Variants in COX7B2 observed in about 807,000 individuals in gnomAD.
COX7B2 encodes cytochrome c oxidase subunit 7B2, mitochondrial.
For missense variants in COX7B2, 109 were observed against 95.9 expected (o/e 1.14, Z -0.57); for synonymous variants, 37 against 32.1 (o/e 1.15, Z -0.51).
Position 46,796,406 on chromosome 4 carries a change from C to A in COX7B2, c.-50+48554G>T, listed in dbSNP as rs1221873622. On this transcript the variant is annotated intron_variant, in intron 2 of 2. Transcript: ENST00000355591. Reference sequence around the variant, plus strand: ...ACCACTATGAGATATCATCTCACACCGGTTAGAATGGCAATCATTAAAAAG... The same window carrying A: ...ACCACTATGAGATATCATCTCACACAGGTTAGAATGGCAATCATTAAAAAG... Among the ~76,000 whole-genome samples the A allele has an allele frequency of 2.1e-4, 30 of 145,320 alleles. 1 individual carries two copies. The highest frequency in any genetic ancestry group is 7.6e-4 in the African/African-American group (28 of 36,944).
At chr4:46,786,186 A>T (rs1009669930) in intron 2 of COX7B2, among the ~76,000 whole-genome samples, 2 of 152,224 alleles carry the variant, frequency 1.3e-5, no homozygotes, top group African/African-American at 4.8e-5. Flanking sequence ...AACCACTGGT[A>T]AAATATTGGA....
In COX7B2 at chr4:46,799,294, A is replaced by G. The variant is rs199815313; in HGVS notation, c.-50+45666T>C. Reference sequence around the variant, plus strand: ...GATGAGGTTTTCTAATGATAAAATCATATCATCTGTGAAGAGAGATAGTTT... The same window carrying G: ...GATGAGGTTTTCTAATGATAAAATCGTATCATCTGTGAAGAGAGATAGTTT... On this transcript the variant is annotated intron_variant, in intron 2 of 2. Transcript: ENST00000355591. Among the ~76,000 whole-genome samples the G allele has an allele frequency of 3.9e-5, 6 of 152,268 alleles. No homozygotes were observed. In the South Asian group the frequency reaches 8.3e-4, roughly 21 times the overall value.
intron 2 of COX7B2, among the ~76,000 whole-genome samples, chr4:46,815,175 CAAA>C (rs760743513): frequency 1.2e-4 from 9 of 75,040 alleles, no homozygotes; most frequent in Non-Finnish European, 8.1e-5. Context: ...GACTCTGTCT[CAAA>C]AAAAAAAAAA....
At chr4:46,865,796 C>T (rs1478712271) in intron 1 of COX7B2, among the ~76,000 whole-genome samples, 1 of 152,204 alleles carries the variant, frequency 6.6e-6, no homozygotes, top group Non-Finnish European at 1.5e-5. Context: ...CTGTCATCAA[C>T]ATCCCCAGGA....
At chr4:46,782,622 A>C (rs1006393525) in intron 2 of COX7B2, among the ~76,000 whole-genome samples, 35 of 152,274 alleles carry the variant, frequency 2.3e-4, no homozygotes, top group South Asian at 1.7e-3. Context: ...TGCTCTTCAC[A>C]ATAAATCTTG....
At chr4:46,816,865 T>C (rs955269476) in intron 2 of COX7B2, among the ~76,000 whole-genome samples, 3 of 152,194 alleles carry the variant, frequency 2.0e-5, no homozygotes, top group African/African-American at 4.8e-5. Flanking sequence ...ACTGATTGAG[T>C]CCTACTTTGA....
At chr4:46,850,860 G>T (rs920732805) in intron 1 of COX7B2, among the ~76,000 whole-genome samples, 6 of 152,148 alleles carry the variant, frequency 3.9e-5, no homozygotes, top group Non-Finnish European at 8.8e-5. Context: ...GGCCAGAATT[G>T]ACAAGATTAC....
At chr4:46,799,813 T>C (rs1254687531) in intron 2 of COX7B2, among the ~76,000 whole-genome samples, 1 of 152,164 alleles carries the variant, frequency 6.6e-6, no homozygotes. Flanking sequence ...TGAAGTTTTA[T>C]TTTTTCATTG....
rs115802039 is a variant in COX7B2, at chr4:46,882,728, T to C, written c.-105+26432A>G. Among the ~76,000 whole-genome samples, 1,400 of 152,286 alleles carry C rather than the reference T, an allele frequency of 9.2e-3. 18 individuals carry two copies. Among genetic ancestry groups the C allele is most frequent in the African/African-American group, 0.031 (1,305 of 41,566 alleles). ...TCTCTTGAGGACAGCATACTACTGG[T>C]TGACCCAAATTTTTTAACAACTACA... On this transcript the variant is annotated intron_variant, in intron 1 of 2. Transcript: ENST00000355591.
At chr4:46,765,103 T>A (rs1716446922) in intron 2 of COX7B2, among the ~76,000 whole-genome samples, 1 of 151,852 alleles carries the variant, frequency 6.6e-6, no homozygotes, top group Admixed American at 6.6e-5. Context: ...GAATGGAAGC[T>A]GCCAGCACTT....
At position 46,878,687 on chromosome 4, in the gene COX7B2, C is replaced by T. The variant is rs902313748; in HGVS notation, c.-105+30473G>A. On this transcript the variant is annotated intron_variant, in intron 1 of 2. Transcript: ENST00000355591. ...ACCACTCAGTTTCCTATTATCTTAA[C>T]GCTCCGTCTTCCTCAATATTTGGTT... 5.3e-5 allele frequency among the ~76,000 whole-genome samples: 8 copies of T among 152,118 alleles called. No individual in the cohort carries two copies. The East Asian group carries it at 5.8e-4, about 11-fold the overall frequency.
At chr4:46,762,505 T>C (rs1474373871) in intron 2 of COX7B2, among the ~76,000 whole-genome samples, 2 of 142,184 alleles carry the variant, frequency 1.4e-5, no homozygotes, top group African/African-American at 2.6e-5. Flanking sequence ...TATAGTATAT[T>C]ATGATTAAGT....
chr4:46,794,198 G>T (rs1331485091), intron 2 of COX7B2, among the ~76,000 whole-genome samples: 1 of 152,136 alleles, frequency 6.6e-6, no homozygotes. Flanking sequence ...TGTTTAAATG[G>T]ATGCTAAAGC....
At chr4:46,841,051 G>T in intron 2 of COX7B2, among the ~76,000 whole-genome samples, 1 of 151,988 alleles carries the variant, frequency 6.6e-6, no homozygotes, top group Non-Finnish European at 1.5e-5. Flanking sequence ...CAACATTCAA[G>T]GAGTGAGGAC....
intron 1 of COX7B2, among the ~76,000 whole-genome samples, chr4:46,896,083 T>C (rs933849717): frequency 1.3e-5 from 2 of 152,316 alleles, no homozygotes; most frequent in East Asian, 1.9e-4. Flanking sequence ...ATTCCTACTT[T>C]ACAATTTTGC....
chr4:46,794,948 A>G (rs1191425742), intron 2 of COX7B2, among the ~76,000 whole-genome samples: 1 of 152,226 alleles, frequency 6.6e-6, no homozygotes, highest in African/African-American at 2.4e-5. Flanking sequence ...GAATTCCCAG[A>G]TTACAGCCAA....
In COX7B2 at chr4:46,741,931, G is replaced by C. The variant is rs1034320473; in HGVS notation, c.-49-6690C>G. ...GAAATATTTATGGAACATTGAGTCA[G>C]ATAATCTCCAAGGTACTATCCAGCT... On this transcript the variant is annotated intron_variant, in intron 2 of 2. Coordinates refer to ENST00000355591, the MANE Select transcript of COX7B2 (RefSeq NM_130902.3). 2.0e-5 allele frequency among the ~76,000 whole-genome samples: 3 copies of C among 152,138 alleles called. No homozygotes were observed. The East Asian group carries it at 5.8e-4, about 29-fold the overall frequency.
intron 2 of COX7B2, among the ~76,000 whole-genome samples, chr4:46,799,300 T>C (rs1337336883): frequency 6.6e-6 from 1 of 152,158 alleles, no homozygotes; most frequent in Non-Finnish European, 1.5e-5. Flanking sequence ...AATCATATCA[T>C]CTGTGAAGAG....
intron 2 of COX7B2, among the ~76,000 whole-genome samples, chr4:46,801,735 A>C (rs1176865611): frequency 6.6e-6 from 1 of 152,208 alleles, no homozygotes; most frequent in Non-Finnish European, 1.5e-5. Flanking sequence ...TTGGAAGGGG[A>C]AATAAATGAA....
Sources: allele counts gnomAD v4.1 joint callset (sites outside exome capture counted in the v4.1 genomes callset), GRCh38; gene constraint gnomAD v4.1.1; transcripts MANE v1.5; gene names NCBI Gene and HGNC (gene_info 2026-07-23, HGNC 2026-07-21).